MUC20: variants seen among roughly 807,000 people sequenced by gnomAD.
MUC20 encodes mucin-20.
Under a neutral mutation model 23.8 loss-of-function variants are expected in MUC20, and 14 were observed. The ratio of observed to expected loss-of-function variants is 0.59; its 90% CI spans 0.39 to 0.92. MUC20 has a LOEUF of 0.92. Among genes scored for constraint, MUC20 ranks in the 40% least tolerant of loss-of-function variants. The pLI, the probability that MUC20 is intolerant of heterozygous loss-of-function variation, is 0.00. For missense variants in MUC20, 375 were observed against 668.8 expected, an observed-to-expected ratio of 0.56 and a Z score of 4.85; for synonymous variants, 166 against 279.3, an observed-to-expected ratio of 0.59 and a Z score of 4.04.
chr3:195,731,978 T>TTGTTTTGTTTTGTTTTGTTA (rs1713436876), intron 3 of MUC20, among the ~76,000 whole-genome samples: 1 of 15,254 alleles, frequency 6.6e-5, no homozygotes, highest in Non-Finnish European at 1.6e-4. Flanking sequence ...CCAATTGCTT[T>TTGTTTTGTTTTGTTTTGTTA]TGTTTTGTTT....
intron 3 of MUC20, among the ~76,000 whole-genome samples, chr3:195,731,163 A>T (rs1326038071): frequency 6.6e-6 from 1 of 152,252 alleles, no homozygotes. Context: ...AGCACCTCTC[A>T]CAGTCAATGG....
intron 3 of MUC20, chr3:195,729,960 ACT>A (rs750193194): frequency 3.4e-5 from 20 of 582,934 alleles, no homozygotes; most frequent in Non-Finnish European, 5.1e-5. Context: ...TAAACATGTG[ACT>A]CCTAGAGCCC....
At chr3:195,730,280 T>G (rs1258982416) in intron 3 of MUC20, among the ~76,000 whole-genome samples, 4 of 152,276 alleles carry the variant, frequency 2.6e-5, no homozygotes, top group African/African-American at 4.8e-5. Flanking sequence ...AAAGGCAGCC[T>G]TGTTAGCCAT....
At chr3:195,731,927 T>C (rs1039343980) in intron 3 of MUC20, among the ~76,000 whole-genome samples, 16 of 152,120 alleles carry the variant, frequency 1.1e-4, no homozygotes, top group African/African-American at 3.6e-4. Flanking sequence ...CGGCATGTGA[T>C]AATCAAAGTA....
At chr3:195,729,547 C>G in intron 2 of MUC20, 101 bp from the exon 3 acceptor site, 1 of 1,123,114 alleles carries the variant, frequency 8.9e-7, no homozygotes, top group Non-Finnish European at 1.3e-6. Flanking sequence ...AACTCCCGAT[C>G]TCAGGTGATC....
chr3:195,726,217 T>C lies in MUC20; in HGVS notation c.1614T>C (p.Val538=), dbSNP rs373472255. The C allele has an allele frequency of 3.3e-5, 54 of 1,613,026 alleles. No homozygotes were observed. The African/African-American group carries it at 6.4e-4, about 19-fold the overall frequency. The change falls in exon 2 of 4, where the codon GTT becomes GTC. Residue 538 remains valine (V), a synonymous_variant. Transcript: ENST00000447234. ...NPLEETSALS[V]ETPSYVKVSG... ...TTGAAGAAACCTCAGCCCTCTCTGT[T>C]GAGACACCAAGTTACGTCAAAGTCT...
intron 3 of MUC20, among the ~76,000 whole-genome samples, chr3:195,732,476 C>CA (rs1713498594): frequency 6.6e-6 from 1 of 152,250 alleles, no homozygotes. Flanking sequence ...TCTCCTGCCT[C>CA]AACCTCCCTA....
rs1050121007 is a variant in MUC20, at chr3:195,729,900, C to T, written c.2061+161C>T. 19 of 728,474 alleles carry T rather than the reference C, an allele frequency of 2.6e-5. No homozygotes were observed. In the Admixed American group the frequency reaches 4.2e-4, roughly 16 times the overall value. 45.1% of individuals were successfully genotyped at this position (728,474 alleles called of 1,614,324 possible). A position where few individuals can be genotyped will look rare whatever the true frequency, so the allele number is the denominator to read the frequency against. The stretch of plus-strand genomic sequence containing the variant: ...GCTGAATCTGAGGATCTCTGCCTGG[C>T]TTTGCTTCTGCCTGCCTTCTCCGAG... On this transcript the variant is annotated intron_variant, in intron 3 of 3. Transcript: ENST00000447234.
At chr3:195,730,706 G>C (rs1345175133) in intron 3 of MUC20, among the ~76,000 whole-genome samples, 1 of 152,210 alleles carries the variant, frequency 6.6e-6, no homozygotes, top group African/African-American at 2.4e-5. Context: ...TGGCCTGCAA[G>C]GGTCACCATG....
intron 2 of MUC20, among the ~76,000 whole-genome samples, chr3:195,728,701 G>C (rs1440150820): frequency 2.0e-5 from 3 of 151,516 alleles, no homozygotes; most frequent in Non-Finnish European, 2.9e-5. Flanking sequence ...CTGGGGGACG[G>C]TCAGGTCTTT....
At chr3:195,731,523 G>C (rs1713386272) in intron 3 of MUC20, among the ~76,000 whole-genome samples, 1 of 152,242 alleles carries the variant, frequency 6.6e-6, no homozygotes, top group African/African-American at 2.4e-5. Context: ...AAAATAGGCA[G>C]GAGGGCCCCC....
intron 1 of MUC20, among the ~76,000 whole-genome samples, chr3:195,723,102 C>G (rs1166618161): frequency 4.9e-4 from 74 of 151,706 alleles, no homozygotes; most frequent in African/African-American, 1.6e-3. Context: ...TGGGAGGGGT[C>G]TAGAGACTGG....
chr3:195,728,315 G>A (rs1033464930), intron 2 of MUC20, among the ~76,000 whole-genome samples: 20 of 152,404 alleles, frequency 1.3e-4, no homozygotes, highest in African/African-American at 4.3e-4. Context: ...AAAAAGGAAT[G>A]TAGTAGGAGA....
chr3:195,730,045 G>A (rs1713208985), intron 3 of MUC20: 3 of 301,752 alleles, frequency 9.9e-6, no homozygotes, highest in Non-Finnish European at 1.2e-5. Flanking sequence ...TGATGGGAGG[G>A]TAGGTCGGAC....
intron 2 of MUC20, among the ~76,000 whole-genome samples, chr3:195,728,663 T>G (rs1161589329): frequency 1.3e-5 from 2 of 152,006 alleles, no homozygotes; most frequent in Non-Finnish European, 2.9e-5. Flanking sequence ...CTAATCCACC[T>G]CAGCACAGAC....
At chr3:195,729,619 AT>A in intron 2 of MUC20, 28 bp from the exon 3 acceptor site, 1 of 1,555,624 alleles carries the variant, frequency 6.4e-7, no homozygotes, top group Non-Finnish European at 8.7e-7. Flanking sequence ...CCCAGCCCTG[AT>A]TTTCATCTTA....
rs1712597624 is a variant in MUC20 at position 195,726,030 on chromosome 3, C to G, written c.1427C>G (p.Ala476Gly). The G allele has an allele frequency of 6.2e-7, 1 of 1,613,920 alleles. No homozygotes were observed. The highest frequency in any genetic ancestry group is 8.5e-7 in the Non-Finnish European group (1 of 1,179,902). ...EAKPHITEVT[A>G]SAETLSTAGT... The stretch of plus-strand genomic sequence containing the variant: ...AAACCACACATCACTGAGGTCACAG[C>G]CTCTGCCGAGACCCTGTCCACAGCC... The change falls in exon 2 of 4, where the codon GCC becomes GGC. Residue 476 changes from alanine (A) to glycine (G), a missense_variant. This residue lies in a region of MUC20 where 343 missense variants were observed against 340.2 expected (regional missense o/e 1.01). Coordinates refer to ENST00000447234, the MANE Select transcript of MUC20 (RefSeq NM_001282506.2).
chr3:195,732,322 TTCTTTTTCTTTTTCTTTTTCTTTC>T (rs1371264915), intron 3 of MUC20, among the ~76,000 whole-genome samples: 5 of 138,584 alleles, frequency 3.6e-5, no homozygotes, highest in Admixed American at 1.4e-4. Flanking sequence ...GAAGCCAGTT[TTCTTTTTCTTTTTCTTTTTCTTTC>T]TCTTTTTCTT....
At chr3:195,728,426 T>G (rs1258562983) in intron 2 of MUC20, among the ~76,000 whole-genome samples, 5 of 152,298 alleles carry the variant, frequency 3.3e-5, no homozygotes, top group African/African-American at 9.6e-5. Context: ...GATGTGCACG[T>G]AGGCCAGATT....
Sources: gnomAD v4.1 joint callset for allele counts (sites outside exome capture counted in the v4.1 genomes callset) on GRCh38, gnomAD v4.1.1 for gene constraint, gnomAD v4.1.1 regional missense constraint, MANE v1.5 for transcripts, NCBI Gene and HGNC (gene_info 2026-07-23, HGNC 2026-07-21) for gene names.